The following PCDHGA6 variants were observed in gnomAD, a reference collection of about 807,000 sequenced individuals.
PCDHGA6 encodes protocadherin gamma subfamily A, 6.
PCDHGA6 carries 41 observed loss-of-function variants against 60.6 expected under a neutral mutation model. The observed-to-expected ratio is 0.68, with a 90% confidence interval of 0.53 to 0.88. PCDHGA6 has a LOEUF of 0.88. PCDHGA6 is among the 40% of genes least tolerant of loss of function. The pLI, the probability that PCDHGA6 is intolerant of heterozygous loss-of-function variation, is 0.00. For missense variants in PCDHGA6, 1,312 were observed against 1,203.0 expected (o/e 1.09, Z -1.34); for synonymous variants, 594 against 524.4 (o/e 1.13, Z -1.81).
In PCDHGA6 at chr5:141,375,657, T is replaced by C. The variant is rs1588774279; in HGVS notation, c.1574T>C (p.Leu525Ser). ...YALRSFDYEQLRDLQLWVTAS... is the reference protein window; with the variant it reads ...YALRSFDYEQSRDLQLWVTAS... ...CTGCGCTCCTTCGACTATGAGCAGT[T>C]GAGAGACCTACAGCTGTGGGTGACA... The change falls in exon 1 of 4, where the codon TTG becomes TCG. Residue 525 changes from leucine to serine, a missense_variant. Transcript: ENST00000517434. 6.2e-7 allele frequency: 1 copy of C among 1,614,192 alleles called. No homozygotes were observed. The highest frequency in any genetic ancestry group is 8.5e-7 in the Non-Finnish European group (1 of 1,180,038).
chr5:141,409,047 G>A, intron 1 of PCDHGA6: 1 of 1,613,982 alleles, frequency 6.2e-7, no homozygotes, highest in Non-Finnish European at 8.5e-7. Context: ...TACTACTTCC[G>A]AAGCACTGCC....
intron 1 of PCDHGA6, chr5:141,392,586 C>A: frequency 2.1e-6 from 1 of 478,230 alleles, no homozygotes; most frequent in Non-Finnish European, 3.7e-6. Flanking sequence ...GTAAGCGCCG[C>A]TGTTCACCTA....
At chr5:141,478,862 C>A in intron 1 of PCDHGA6, 1 of 1,326,032 alleles carries the variant, frequency 7.5e-7, no homozygotes, top group Non-Finnish European at 1.0e-6. Context: ...AAGATCTCAG[C>A]GATCAGAGTT....
At chr5:141,474,997 A>C (rs2154572220) in intron 1 of PCDHGA6, among the ~76,000 whole-genome samples, 1 of 152,376 alleles carries the variant, frequency 6.6e-6, no homozygotes, top group African/African-American at 2.4e-5. Flanking sequence ...ACAATTCTAA[A>C]TGCAGAAAAG....
At chr5:141,503,801 G>A (rs920669425) in intron 2 of PCDHGA6, among the ~76,000 whole-genome samples, 1 of 151,990 alleles carries the variant, frequency 6.6e-6, no homozygotes, top group Admixed American at 6.6e-5. Flanking sequence ...ACTTAGGGAC[G>A]GGGAATCCCA....
Position 141,485,486 on chromosome 5 carries a change from C to A in PCDHGA6, c.2425-9321C>A. On this transcript the variant is annotated intron_variant, in intron 1 of 3. Transcript: ENST00000517434. This position sits in a 1 kb window ranked among gnomAD's most constrained non-coding sequence, Gnocchi z 5.7. Reference sequence around the variant, plus strand: ...TGGGCTCAGTGCCAGCTGCATCGTGCCCCTGGAGTTTGTCACCGAAGGTCC... The same window carrying A: ...TGGGCTCAGTGCCAGCTGCATCGTGACCCTGGAGTTTGTCACCGAAGGTCC... 6.2e-7 allele frequency: 1 copy of A among 1,614,104 alleles called. No individual in the cohort carries two copies.
At chr5:141,478,044 C>G in intron 1 of PCDHGA6, 1 of 1,614,184 alleles carries the variant, frequency 6.2e-7, no homozygotes. Flanking sequence ...CCCAGGCAGA[C>G]TCTCACGGTC....
In PCDHGA6 at chr5:141,476,065, G is replaced by T; in HGVS notation, c.2425-18742G>T. ...GCTAACCCGCTGAAAGTTTCTCAGC[G>T]AAATCTCAGGGACGATCTGGACCCC... is the stretch of plus-strand genomic sequence containing the variant. On this transcript the variant is annotated intron_variant, in intron 1 of 3. Coordinates refer to ENST00000517434, the MANE Select transcript of PCDHGA6 (RefSeq NM_018919.3). This position sits in a 1 kb window ranked among gnomAD's most constrained non-coding sequence, Gnocchi z 7.6. 6.6e-7 allele frequency: 1 copy of T among 1,511,444 alleles called. No homozygotes were observed. The highest frequency in any genetic ancestry group is 1.3e-5 in the South Asian group (1 of 76,164). The allele number at this position is 1,511,444 out of a possible 1,614,324, so 93.6% of individuals were successfully genotyped here.
chr5:141,485,221 C>G lies in PCDHGA6; in HGVS notation c.2425-9586C>G. ...GGACAGAAATCTGGCGGTGGGCTACCCTTTTGTTCCTCTTTTACCACCTGG... is the reference window on the plus strand; with the variant it reads ...GGACAGAAATCTGGCGGTGGGCTACGCTTTTGTTCCTCTTTTACCACCTGG... On this transcript the variant is annotated intron_variant, in intron 1 of 3. Transcript: ENST00000517434. The surrounding 1 kb of genome is among the most constrained non-coding windows in gnomAD (Gnocchi z 5.7). The G allele has an allele frequency of 6.2e-7, 1 of 1,614,118 alleles. No individual in the cohort carries two copies. Among genetic ancestry groups the G allele is most frequent in the Non-Finnish European group, 8.5e-7 (1 of 1,180,010 alleles).
intron 1 of PCDHGA6, chr5:141,478,694 T>G: frequency 1.3e-6 from 2 of 1,550,598 alleles, no homozygotes; most frequent in Non-Finnish European, 1.7e-6. Context: ...TAGATCAAAG[T>G]TAGTGCCTTT....
At chr5:141,415,650 A>G in intron 1 of PCDHGA6, 1 of 1,597,054 alleles carries the variant, frequency 6.3e-7, no homozygotes, top group Non-Finnish European at 8.5e-7. Context: ...TTAAAAAAAA[A>G]AAGATTGGTT....
chr5:141,419,981 A>C, intron 1 of PCDHGA6: 2 of 1,614,052 alleles, frequency 1.2e-6, no homozygotes, highest in Non-Finnish European at 1.7e-6. Context: ...CCTCGCGGTG[A>C]TTCTAGCTAT....
At chr5:141,470,016 C>G (rs116065751) in intron 1 of PCDHGA6, among the ~76,000 whole-genome samples, 1 of 152,146 alleles carries the variant, frequency 6.6e-6, no homozygotes, top group Non-Finnish European at 1.5e-5. Context: ...GTAATCCCAG[C>G]TACTCGGGAT....
chr5:141,418,867 A>T, intron 1 of PCDHGA6: 1 of 1,613,968 alleles, frequency 6.2e-7, no homozygotes, highest in Non-Finnish European at 8.5e-7. Context: ...TAATTGTAGA[A>T]GTTGTAGACG....
At chr5:141,384,243 C>T in intron 1 of PCDHGA6, 1 of 1,613,880 alleles carries the variant, frequency 6.2e-7, no homozygotes, top group Non-Finnish European at 8.5e-7. Context: ...CCAACGATAA[C>T]CCACCCACCT....
At position 141,487,063 on chromosome 5, in the gene PCDHGA6, G is replaced by A. The variant is rs754361361; in HGVS notation, c.2425-7744G>A. 39 of 1,614,086 alleles carry A rather than the reference G, an allele frequency of 2.4e-5. No individual in the cohort carries two copies. In the South Asian group the frequency reaches 3.7e-4, roughly 15 times the overall value. The stretch of plus-strand genomic sequence containing the variant: ...CTCGATATGCTGGGGAGGTGCGGAC[G>A]GCTGTTCCTATCCCAGCTGACCTCC... On this transcript the variant is annotated intron_variant, in intron 1 of 3. Transcript: ENST00000517434. The surrounding 1 kb of genome is among the most constrained non-coding windows in gnomAD (Gnocchi z 5.0).
At chr5:141,382,318 T>C (rs1233432296) in intron 1 of PCDHGA6, among the ~76,000 whole-genome samples, 2 of 152,250 alleles carry the variant, frequency 1.3e-5, no homozygotes, top group Non-Finnish European at 2.9e-5. Context: ...TACACTGATG[T>C]AAATATTTTC....
At chr5:141,392,945 C>T (rs1561639150) in intron 1 of PCDHGA6, 1 of 1,613,916 alleles carries the variant, frequency 6.2e-7, no homozygotes. Flanking sequence ...AAGGCTCCTT[C>T]GTGGGTAATA....
rs771162471 is a variant in PCDHGA6 at position 141,376,386 on chromosome 5, T to C, written c.2303T>C (p.Leu768Pro). 3 of 1,614,116 alleles carry C rather than the reference T, an allele frequency of 1.9e-6. No homozygotes were observed. The African/African-American group carries it at 4.0e-5, about 22-fold the overall frequency. Reference sequence around the variant, plus strand: ...ACTGCAGACTCGCGTAAGAGTCATCTGATTTTCCCCCAGCCCAACTATGCC... The same window carrying C: ...ACTGCAGACTCGCGTAAGAGTCATCCGATTTTCCCCCAGCCCAACTATGCC... ...SLTADSRKSH[L>P]IFPQPNYADT... Residue 768 changes from leucine (L) to proline (P), a missense_variant, in exon 1 of 4, where the codon CTG becomes CCG. Coordinates refer to ENST00000517434, the MANE Select transcript of PCDHGA6 (RefSeq NM_018919.3).
Sources: allele counts gnomAD v4.1 joint callset (sites outside exome capture counted in the v4.1 genomes callset), GRCh38; gene constraint gnomAD v4.1.1; non-coding constraint Gnocchi (gnomAD v3.1); transcripts MANE v1.5; gene names NCBI Gene and HGNC (gene_info 2026-07-23, HGNC 2026-07-21).